Variants in ADGRL2 observed in about 807,000 individuals in gnomAD.
ADGRL2 encodes the protein calcium-independent alpha-latrotoxin receptor 2.
In ADGRL2, 44 loss-of-function variants were observed where a neutral mutation model predicts 157.4. The ratio of observed to expected loss-of-function variants is 0.28; its 90% CI spans 0.22 to 0.36. ADGRL2 has a LOEUF of 0.36. Among genes scored for constraint, ADGRL2 ranks in the 10% least tolerant of loss-of-function variants. ADGRL2 has a pLI of 1.00. For synonymous variants in ADGRL2, 585 were observed against 624.7 expected, an observed-to-expected ratio of 0.94 and a Z score of 0.95; for missense variants, 1,510 against 1,768.9, an observed-to-expected ratio of 0.85 and a Z score of 2.63.
chr1:81,873,622 A>G (rs2093754937), intron 2 of ADGRL2, among the ~76,000 whole-genome samples: 1 of 152,106 alleles, frequency 6.6e-6, no homozygotes, highest in Non-Finnish European at 1.5e-5. Context: ...TGAGACAAGA[A>G]CTGGTAAAAT....
At chr1:81,430,120 C>T (rs562665908) in intron 1 of ADGRL2, among the ~76,000 whole-genome samples, 11 of 152,144 alleles carry the variant, frequency 7.2e-5, no homozygotes, top group African/African-American at 2.4e-4. Context: ...TTCGAACTCC[C>T]GACCTCAGGT....
In ADGRL2 at chr1:81,576,728, C is replaced by T. The variant is rs144483321; in HGVS notation, c.-247-4148C>T. Among the ~76,000 whole-genome samples, 1,064 of 152,232 alleles carry T rather than the reference C, an allele frequency of 7.0e-3. 15 individuals carry two copies. The highest frequency in any genetic ancestry group is 0.024 in the African/African-American group (1,002 of 41,542). Reference sequence around the variant, plus strand: ...TGTTCTTCTTCTTAACTAAAAATTTCAGTAAAGCAATATGTTTACCAAGCA... The same window carrying T: ...TGTTCTTCTTCTTAACTAAAAATTTTAGTAAAGCAATATGTTTACCAAGCA... On this transcript the variant is annotated intron_variant, in intron 2 of 24. Coordinates refer to the ADGRL2 transcript ENST00000370721.
chr1:81,576,800 A>T (rs1480749937), intron 2 of ADGRL2, among the ~76,000 whole-genome samples: 1 of 152,144 alleles, frequency 6.6e-6, no homozygotes, highest in South Asian at 2.1e-4. Context: ...ATGTGTATGA[A>T]TTATCATACT....
chr1:81,808,682 TATC>T (rs2089470602), intron 1 of ADGRL2, among the ~76,000 whole-genome samples: 1 of 152,112 alleles, frequency 6.6e-6, no homozygotes, highest in Non-Finnish European at 1.5e-5. Context: ...AATAGGTTAT[TATC>T]AGCGACCAAA....
intron 1 of ADGRL2, among the ~76,000 whole-genome samples, chr1:81,365,941 G>A (rs4363462): frequency 0.51 from 77,408 of 151,950 alleles, 21,743 homozygotes; most frequent in East Asian, 0.72. Context: ...ATTAACATAT[G>A]TGAATACTAT....
intron 2 of ADGRL2, among the ~76,000 whole-genome samples, chr1:81,854,013 A>G (rs1385357105): frequency 6.6e-6 from 1 of 152,048 alleles, no homozygotes; most frequent in East Asian, 1.9e-4. Context: ...TCATAAATAT[A>G]TTTTTAAAAG....
chr1:81,599,410 T>A (rs1338981182), intron 3 of ADGRL2, among the ~76,000 whole-genome samples: 7 of 152,062 alleles, frequency 4.6e-5, no homozygotes, highest in African/African-American at 1.7e-4. Flanking sequence ...CTCTAAGATA[T>A]CAGTAACATG....
At chr1:81,437,063 T>C (rs1218359321) in intron 1 of ADGRL2, among the ~76,000 whole-genome samples, 1 of 152,222 alleles carries the variant, frequency 6.6e-6, no homozygotes, top group Non-Finnish European at 1.5e-5. Context: ...AACTAATCCC[T>C]ACAGTCTGGA....
intron 2 of ADGRL2, among the ~76,000 whole-genome samples, chr1:81,846,146 A>T (rs2092778224): frequency 6.6e-6 from 1 of 151,944 alleles, no homozygotes; most frequent in African/African-American, 2.4e-5. Context: ...CCAACACAGT[A>T]GTTGAAGTTT....
intron 3 of ADGRL2, among the ~76,000 whole-genome samples, chr1:81,639,945 T>G (rs1168519655): frequency 1.3e-5 from 2 of 152,112 alleles, no homozygotes; most frequent in Non-Finnish European, 2.9e-5. Flanking sequence ...ATACATTGAG[T>G]ATTATAGAGC....
chr1:81,836,522 T>C (rs1237868583), intron 1 of ADGRL2, among the ~76,000 whole-genome samples: 1 of 152,094 alleles, frequency 6.6e-6, no homozygotes, highest in Non-Finnish European at 1.5e-5. Context: ...CCTGAAGTTT[T>C]TGTACACTCT....
chr1:81,513,156 A>T (rs1351258469), intron 2 of ADGRL2, among the ~76,000 whole-genome samples: 1 of 152,184 alleles, frequency 6.6e-6, no homozygotes, highest in Non-Finnish European at 1.5e-5. Flanking sequence ...CTGGTTTCAG[A>T]AAGACAGAGA....
intron 1 of ADGRL2, among the ~76,000 whole-genome samples, chr1:81,701,066 G>A (rs1243414539): frequency 6.6e-6 from 1 of 152,220 alleles, no homozygotes; most frequent in Non-Finnish European, 1.5e-5. Context: ...GGCACACACG[G>A]TGCCTGCAGG....
chr1:81,568,578 C>G (rs2080614969), intron 2 of ADGRL2, among the ~76,000 whole-genome samples: 1 of 152,084 alleles, frequency 6.6e-6, no homozygotes, highest in Non-Finnish European at 1.5e-5. Context: ...AAATTTGAAA[C>G]AGGTTTAACT....
intron 2 of ADGRL2, among the ~76,000 whole-genome samples, chr1:81,791,113 G>A (rs1245680035): frequency 1.3e-5 from 2 of 149,280 alleles, no homozygotes; most frequent in Non-Finnish European, 3.0e-5. Context: ...AGGGAGGGCA[G>A]TGCTTCCTAA....
intron 2 of ADGRL2, among the ~76,000 whole-genome samples, chr1:81,893,482 G>A (rs1358483240): frequency 6.6e-6 from 1 of 152,170 alleles, no homozygotes; most frequent in African/African-American, 2.4e-5. Flanking sequence ...TGGCAACAAT[G>A]GCTCTCAAGC....
At chr1:81,707,042 T>G (rs2083759429) in intron 1 of ADGRL2, among the ~76,000 whole-genome samples, 1 of 152,016 alleles carries the variant, frequency 6.6e-6, no homozygotes. Flanking sequence ...CCTCAAAGGG[T>G]GAGGAAAGTA....
chr1:81,796,661 C>T (rs567776158), upstream of ADGRL2, among the ~76,000 whole-genome samples: 11 of 152,210 alleles, frequency 7.2e-5, no homozygotes, highest in South Asian at 1.5e-3. Flanking sequence ...TTAATTAACA[C>T]GTGTGGTGCA....
chr1:81,914,165 A>G (rs2094800864), intron 3 of ADGRL2, among the ~76,000 whole-genome samples: 1 of 152,152 alleles, frequency 6.6e-6, no homozygotes, highest in African/African-American at 2.4e-5. Context: ...GTTGACGTAC[A>G]GTCCTCTCAA....
Sources: gnomAD v4.1 joint callset for allele counts (sites outside exome capture counted in the v4.1 genomes callset) on GRCh38, gnomAD v4.1.1 for gene constraint, MANE v1.5 for transcripts, NCBI Gene and HGNC (gene_info 2026-07-23, HGNC 2026-07-21) for gene names.